GSTCD: variants seen among roughly 807,000 people sequenced by gnomAD.
GSTCD encodes glutathione S-transferase C-terminal domain containing, also known as glutathione S-transferase C-terminal domain-containing protein.
In GSTCD, 44 loss-of-function variants were observed where a neutral mutation model predicts 68.3. The observed-to-expected ratio is 0.64, with a 90% confidence interval of 0.51 to 0.83. The LOEUF is 0.83. Ranked by LOEUF, GSTCD falls within the 40% of genes least tolerant of loss-of-function variation. The probability of loss-of-function intolerance (pLI) is 0.00; values close to 1 mark genes in which losing one functional copy is unlikely to be tolerated. For missense variants in GSTCD, 739 were observed against 735.9 expected (o/e 1.00, Z -0.05); for synonymous variants, 273 against 255.2 (o/e 1.07, Z -0.67).
chr4:105,771,630 C>A (rs1734851506), intron 5 of GSTCD, among the ~76,000 whole-genome samples: 1 of 152,100 alleles, frequency 6.6e-6, no homozygotes, highest in South Asian at 2.1e-4. Context: ...ATAGGGAATC[C>A]TTTTCCCATT....
chr4:105,718,383 G>A (rs1732752925), intron 2 of GSTCD, among the ~76,000 whole-genome samples: 1 of 151,998 alleles, frequency 6.6e-6, no homozygotes, highest in South Asian at 2.1e-4. Context: ...AAAGCGCCTG[G>A]TACCTCTTCC....
intron 1 of GSTCD, among the ~76,000 whole-genome samples, chr4:105,715,460 CAG>C (rs1304614043): frequency 6.6e-6 from 1 of 151,804 alleles, no homozygotes; most frequent in Admixed American, 6.6e-5. Flanking sequence ...AATTTTCCCC[CAG>C]ATAATCTTTT....
intron 4 of GSTCD, among the ~76,000 whole-genome samples, chr4:105,727,874 A>G (rs1438797922): frequency 3.9e-5 from 6 of 152,198 alleles, no homozygotes; most frequent in Admixed American, 1.3e-4. Context: ...GAATTCATGA[A>G]GTAAGTTATC....
At chr4:105,833,629 C>T (rs559667728) in intron 8 of GSTCD, among the ~76,000 whole-genome samples, 1 of 152,034 alleles carries the variant, frequency 6.6e-6, no homozygotes, top group African/African-American at 2.4e-5. Flanking sequence ...TTGTCAAAAT[C>T]CAGTACAGGT....
chr4:105,735,753 G>A (rs534069061), intron 5 of GSTCD, among the ~76,000 whole-genome samples: 32 of 151,890 alleles, frequency 2.1e-4, no homozygotes, highest in African/African-American at 6.5e-4. Context: ...AAATCACTCC[G>A]TGTGATTTCT....
Position 105,792,790 on chromosome 4 carries a change from G to T in GSTCD, c.1241-30164G>T, listed in dbSNP as rs77616388. 9.1e-3 allele frequency among the ~76,000 whole-genome samples: 1,383 copies of T among 152,066 alleles called. 32 individuals carry two copies. The highest frequency in any genetic ancestry group is 0.03 in the African/African-American group (1,234 of 41,402). ...TAAAAGAGCAGTATTTTTTAGAATT[G>T]TGAATCTTTACTGCCAGAAGGAAAC... On this transcript the variant is annotated intron_variant, in intron 5 of 11. Transcript: ENST00000515279.
chr4:105,720,502 G>A (rs1046849881), intron 3 of GSTCD, among the ~76,000 whole-genome samples: 17 of 152,114 alleles, frequency 1.1e-4, no homozygotes, highest in Non-Finnish European at 8.8e-5. Context: ...AGTAAACTCG[G>A]CAGTATTCAT....
chr4:105,788,824 T>C (rs1399029444), intron 5 of GSTCD, among the ~76,000 whole-genome samples: 1 of 152,092 alleles, frequency 6.6e-6, no homozygotes, highest in Non-Finnish European at 1.5e-5. Context: ...AAATTTCTTA[T>C]ATTATCCCTA....
At chr4:105,742,117 A>C (rs1733648838) in intron 5 of GSTCD, among the ~76,000 whole-genome samples, 1 of 152,110 alleles carries the variant, frequency 6.6e-6, no homozygotes, top group East Asian at 1.9e-4. Flanking sequence ...TTACATCAAG[A>C]TTTTGGTGCA....
At chr4:105,804,770 T>G (rs1181417248) in intron 5 of GSTCD, among the ~76,000 whole-genome samples, 17 of 151,992 alleles carry the variant, frequency 1.1e-4, no homozygotes, top group Non-Finnish European at 2.5e-4. Flanking sequence ...GAGCATCAAT[T>G]AGCTATTTTT....
At chr4:105,723,105 A>G (rs1172261376) in intron 3 of GSTCD, among the ~76,000 whole-genome samples, 1 of 151,968 alleles carries the variant, frequency 6.6e-6, no homozygotes, top group African/African-American at 2.4e-5. Flanking sequence ...CGTACATCTA[A>G]CAAATAAAAA....
chr4:105,801,684 T>G (rs1669768851), intron 5 of GSTCD, among the ~76,000 whole-genome samples: 1 of 152,030 alleles, frequency 6.6e-6, no homozygotes, highest in African/African-American at 2.4e-5. Context: ...TTCTCTGATT[T>G]TTTTAATGAA....
intron 5 of GSTCD, among the ~76,000 whole-genome samples, chr4:105,816,170 C>T (rs764387959): frequency 6.6e-6 from 1 of 152,088 alleles, no homozygotes; most frequent in African/African-American, 2.4e-5. Context: ...CTTGCCTAAA[C>T]AGTTTTTAGT....
chr4:105,737,099 A>G (rs530396534), intron 5 of GSTCD, among the ~76,000 whole-genome samples: 2 of 152,278 alleles, frequency 1.3e-5, no homozygotes, highest in South Asian at 4.1e-4. Flanking sequence ...TCTTTTGGAT[A>G]TATATCCAGC....
Position 105,714,637 on chromosome 4 carries a change from A to T in GSTCD, c.-21-2956A>T, listed in dbSNP as rs896369737. Among the ~76,000 whole-genome samples the T allele has an allele frequency of 1.9e-4, 28 of 148,746 alleles. No individual in the cohort carries two copies. The East Asian group carries it at 4.9e-3, about 26-fold the overall frequency. Reference sequence around the variant, plus strand: ...AGGGAGACATTATTCAAGGAGAGTAATTTTTTTTTTTATTCTAAGATCATT... The same window carrying T: ...AGGGAGACATTATTCAAGGAGAGTATTTTTTTTTTTTATTCTAAGATCATT... On this transcript the variant is annotated intron_variant, in intron 1 of 11. Coordinates refer to ENST00000515279, the MANE Select transcript of GSTCD (RefSeq NM_001370181.1).
At chr4:105,803,223 C>T (rs1304077109) in intron 5 of GSTCD, among the ~76,000 whole-genome samples, 2 of 152,040 alleles carry the variant, frequency 1.3e-5, no homozygotes, top group Non-Finnish European at 2.9e-5. Flanking sequence ...TTTGGTTTTT[C>T]AGTCATAATT....
chr4:105,776,460 T>C (rs1735066871), intron 5 of GSTCD, among the ~76,000 whole-genome samples: 1 of 152,154 alleles, frequency 6.6e-6, no homozygotes, highest in Non-Finnish European at 1.5e-5. Context: ...CCCAGGGCCC[T>C]GGTGGTGTAG....
chr4:105,749,952 A>G (rs2149226259), intron 5 of GSTCD, among the ~76,000 whole-genome samples: 1 of 152,352 alleles, frequency 6.6e-6, no homozygotes, highest in South Asian at 2.1e-4. Context: ...ATCAAGATAT[A>G]TAAAGAGTTC....
In GSTCD at chr4:105,820,361, T is replaced by C. The variant is rs569120646; in HGVS notation, c.1241-2593T>C. Reference sequence around the variant, plus strand: ...ACAAATGACATCATTTGTATTAAAATATTCTACACTTAGATTTCTTTTTCC... The same window carrying C: ...ACAAATGACATCATTTGTATTAAAACATTCTACACTTAGATTTCTTTTTCC... On this transcript the variant is annotated intron_variant, in intron 5 of 11. Coordinates refer to ENST00000515279, the MANE Select transcript of GSTCD (RefSeq NM_001370181.1). 3.3e-5 allele frequency among the ~76,000 whole-genome samples: 5 copies of C among 151,984 alleles called. No homozygotes were observed. In the South Asian group the frequency reaches 1.0e-3, roughly 31 times the overall value.
Sources: allele counts gnomAD v4.1 joint callset (sites outside exome capture counted in the v4.1 genomes callset), GRCh38; gene constraint gnomAD v4.1.1; transcripts MANE v1.5; gene names NCBI Gene and HGNC (gene_info 2026-07-23, HGNC 2026-07-21).